STK32A: variants seen among roughly 807,000 people sequenced by gnomAD.
STK32A encodes serine/threonine-protein kinase 32A.
Under a neutral mutation model 53.2 loss-of-function variants are expected in STK32A, and 41 were observed. The observed-to-expected ratio is 0.77, with a 90% CI of 0.60 to 1.00. The LOEUF (loss-of-function observed/expected upper bound fraction) is 1.00. STK32A is among the 50% of genes least tolerant of loss of function. STK32A has a pLI of 0.00. For missense variants in STK32A, 458 were observed against 485.8 expected, an observed-to-expected ratio of 0.94 and a Z score of 0.54; for synonymous variants, 166 against 162.8, an observed-to-expected ratio of 1.02 and a Z score of -0.15.
intron 4 of STK32A, among the ~76,000 whole-genome samples, chr5:147,295,954 A>G (rs1022476759): frequency 2.0e-5 from 3 of 152,234 alleles, no homozygotes; most frequent in Non-Finnish European, 2.9e-5. Context: ...AAAGCATCTT[A>G]AGTAAAGGTA....
At chr5:147,322,833 A>G (rs1754383186) in intron 4 of STK32A, among the ~76,000 whole-genome samples, 1 of 151,970 alleles carries the variant, frequency 6.6e-6, no homozygotes, top group African/African-American at 2.4e-5. Flanking sequence ...CCTCATCCCT[A>G]CACTCCTTCC....
At chr5:147,321,024 C>T (rs10077019) in intron 4 of STK32A, among the ~76,000 whole-genome samples, 19,447 of 152,192 alleles carry the variant, frequency 0.13, 3,044 homozygotes, top group African/African-American at 0.37. Flanking sequence ...GAGCTATGAA[C>T]AGCCTATTGC....
At chr5:147,285,790 C>G (rs954533160) in intron 4 of STK32A, among the ~76,000 whole-genome samples, 1 of 151,740 alleles carries the variant, frequency 6.6e-6, no homozygotes, top group African/African-American at 2.4e-5. Flanking sequence ...AATCAAAAAA[C>G]AGCAGATGTT....
Position 147,373,205 on chromosome 5 carries a change from T to C in STK32A, c.814T>C (p.Leu272=), listed in dbSNP as rs1395984960. The stretch of plus-strand genomic sequence containing the variant: ...TAATCCAGACCAACGATTTTCTCAG[T>C]TATCTGATGTCCAGAACTTCCCGTA... ...EPNPDQRFSQ[L]SDVQNFPYMN... Residue 272 remains leucine (L), a synonymous_variant, in exon 10 of 13, where the codon TTA becomes CTA. Transcript: ENST00000397936. 9 of 1,613,338 alleles carry C rather than the reference T, an allele frequency of 5.6e-6. No individual in the cohort carries two copies. In the African/African-American group the frequency reaches 9.4e-5, roughly 17 times the overall value.
chr5:147,316,859 GAAAAA>G (rs35058586), intron 4 of STK32A, among the ~76,000 whole-genome samples: 6 of 61,330 alleles, frequency 9.8e-5, no homozygotes, highest in East Asian at 6.0e-4. Context: ...TGTTTCTGGC[GAAAAA>G]AAAAAAAAAA....
Position 147,316,803 on chromosome 5 carries a change from TATG to T in STK32A, c.261-7091_261-7089del, listed in dbSNP as rs1754010539. Among the ~76,000 whole-genome samples the T allele has an allele frequency of 2.2e-5, 3 of 133,768 alleles. No homozygotes were observed. The Admixed American group carries it at 2.7e-4, about 12-fold the overall frequency. 87.8% of individuals were successfully genotyped at this position (133,768 alleles called of 152,430 possible). ...CCAGGAGTTCAAGGCTGCAGTGAAC[TATG>T]ATGGCACCACTGTGGTCCAGCCAGG... On this transcript the variant is annotated intron_variant, in intron 4 of 12. Coordinates refer to ENST00000397936, the MANE Select transcript of STK32A (RefSeq NM_001112724.2).
In STK32A at chr5:147,335,810, C is replaced by T. The variant is rs189672960; in HGVS notation, c.435-7196C>T. 1.5e-3 allele frequency among the ~76,000 whole-genome samples: 230 copies of T among 151,890 alleles called. 1 individual carries two copies. The highest frequency in any genetic ancestry group is 3.1e-3 in the African/African-American group (129 of 41,280). ...GTGTGTATGTGTGTGTGTGTGCGCG[C>T]GTGCATGCGTGCGCGTGTGTGCGCG... On this transcript the variant is annotated intron_variant, in intron 5 of 12. Coordinates refer to ENST00000397936, the MANE Select transcript of STK32A (RefSeq NM_001112724.2).
intron 5 of STK32A, among the ~76,000 whole-genome samples, chr5:147,325,708 C>A (rs1227747609): frequency 6.6e-6 from 1 of 152,112 alleles, no homozygotes; most frequent in East Asian, 1.9e-4. Context: ...AATTTGCACA[C>A]CTGGTGTTTT....
chr5:147,399,655 C>A, the STK32A span, among the ~76,000 whole-genome samples: 1 of 152,128 alleles, frequency 6.6e-6, no homozygotes, highest in Non-Finnish European at 1.5e-5. Flanking sequence ...TACAAAAGAA[C>A]CTTACCCAAA....
At chr5:147,291,755 G>A (rs1002482066) in intron 4 of STK32A, among the ~76,000 whole-genome samples, 2 of 152,072 alleles carry the variant, frequency 1.3e-5, no homozygotes, top group Admixed American at 1.3e-4. Context: ...AAAAACAGGT[G>A]TGCTATAATT....
chr5:147,363,891 C>A (rs753657275), intron 8 of STK32A, among the ~76,000 whole-genome samples: 3 of 152,128 alleles, frequency 2.0e-5, no homozygotes, highest in African/African-American at 7.2e-5. Context: ...ACAGAAGGAA[C>A]CAAGTTACTC....
chr5:147,391,420 C>T (rs1043085343), downstream of STK32A: 13 of 152,476 alleles, frequency 8.5e-5, no homozygotes, highest in Admixed American at 2.6e-4. Flanking sequence ...CAGAGAGAAC[C>T]GGGATGGATT....
chr5:147,400,510 A>AT, the STK32A span, among the ~76,000 whole-genome samples: 1 of 152,196 alleles, frequency 6.6e-6, no homozygotes, highest in Non-Finnish European at 1.5e-5. Context: ...AGGCCTTAGG[A>AT]TTCATCACAC....
chr5:147,243,686 A>G (rs1753668213), intron 2 of STK32A, among the ~76,000 whole-genome samples: 1 of 143,278 alleles, frequency 7.0e-6, no homozygotes, highest in South Asian at 2.3e-4. Context: ...GTTTGCAGTG[A>G]GCTGAGATTG....
At chr5:147,261,761 A>G (rs1013985354) in intron 2 of STK32A, among the ~76,000 whole-genome samples, 1 of 152,202 alleles carries the variant, frequency 6.6e-6, no homozygotes, top group African/African-American at 2.4e-5. Flanking sequence ...AATTCTTAAT[A>G]TGGAATTCAC....
rs1258246066 is a variant in STK32A, at chr5:147,317,330, T to TA, written c.261-6568_261-6567insA. Among the ~76,000 whole-genome samples the TA allele has an allele frequency of 1.9e-3, 247 of 129,750 alleles. 1 individual carries two copies. Among genetic ancestry groups the TA allele is most frequent in the African/African-American group, 7.0e-3 (240 of 34,090 alleles). The allele number at this position is 129,750 out of a possible 152,430, so 85.1% of individuals were successfully genotyped here. A position where few individuals can be genotyped will look rare whatever the true frequency, so the allele number is the denominator to read the frequency against. On this transcript the variant is annotated intron_variant, in intron 4 of 12. Coordinates refer to ENST00000397936, the MANE Select transcript of STK32A (RefSeq NM_001112724.2). ...CTTTTTTTCTTTTTCTTTCTTTTTT[T>TA]TTTTTTTTTTTTTTTTTGAGAGAGT...
chr5:147,384,434 T>A lies in STK32A; in HGVS notation c.*451T>A. 6.5e-7 allele frequency: 1 copy of A among 1,534,214 alleles called. No individual in the cohort carries two copies. The highest frequency in any genetic ancestry group is 1.2e-5 in the South Asian group (1 of 83,820). ...GACTTTTCAGACCTCGAAAGTTTCA[T>A]AAAGTGGTCAGAATGCCCCAGGCTA... On this transcript the variant is annotated 3_prime_UTR_variant, in exon 13 of 13. Transcript: ENST00000397936.
At chr5:147,257,318 C>T (rs902071875) in intron 2 of STK32A, among the ~76,000 whole-genome samples, 2 of 151,992 alleles carry the variant, frequency 1.3e-5, no homozygotes, top group Non-Finnish European at 1.5e-5. Flanking sequence ...ATTAAATGGT[C>T]CCAATTCACT....
intron 4 of STK32A, among the ~76,000 whole-genome samples, chr5:147,321,887 A>T (rs1313085045): frequency 2.0e-5 from 3 of 152,162 alleles, no homozygotes; most frequent in Non-Finnish European, 4.4e-5. Context: ...GACTTTTGGT[A>T]CCAAACCCTC....
Sources: gnomAD v4.1 joint callset for allele counts (sites outside exome capture counted in the v4.1 genomes callset) on GRCh38, gnomAD v4.1.1 for gene constraint, MANE v1.5 for transcripts, NCBI Gene and HGNC (gene_info 2026-07-23, HGNC 2026-07-21) for gene names.